SLC16A1: variants seen among roughly 807,000 people sequenced by gnomAD.
The protein encoded by SLC16A1 is solute carrier family 16 member 1.
A neutral mutation model predicts 32.2 loss-of-function variants in SLC16A1; 11 were observed. The observed-to-expected ratio is 0.34, with a 90% CI of 0.21 to 0.56. The LOEUF is 0.56. Among genes scored for constraint, SLC16A1 ranks in the 20% least tolerant of loss-of-function variants. The pLI, the probability that SLC16A1 is intolerant of heterozygous loss-of-function variation, is 0.87. For synonymous variants in SLC16A1, 231 were observed against 226.8 expected (o/e 1.02, Z -0.17); for missense variants, 435 against 615.0 (o/e 0.71, Z 3.10).
intron 1 of SLC16A1, among the ~76,000 whole-genome samples, chr1:112,952,806 C>T (rs1649943826): frequency 6.6e-6 from 1 of 152,198 alleles, no homozygotes; most frequent in Non-Finnish European, 1.5e-5. Context: ...TGAATTTTGT[C>T]TCCAAGCCTT....
chr1:112,935,896 G>A (rs908050538), intron 1 of SLC16A1: 1 of 152,228 alleles, frequency 6.6e-6, no homozygotes, highest in African/African-American at 2.4e-5. Context: ...CTGGATATGG[G>A]TTGGACCTTC....
intron 1 of SLC16A1, among the ~76,000 whole-genome samples, chr1:112,947,119 T>C (rs1241510554): frequency 2.0e-5 from 3 of 152,228 alleles, no homozygotes; most frequent in East Asian, 1.9e-4. Flanking sequence ...TGTCCATCAA[T>C]AGTATGTTTT....
At chr1:112,932,953 G>T (rs946452807) in intron 1 of SLC16A1, among the ~76,000 whole-genome samples, 1 of 152,002 alleles carries the variant, frequency 6.6e-6, no homozygotes, top group Non-Finnish European at 1.5e-5. Context: ...GAAATCAATT[G>T]TATTTCTATA....
At chr1:112,920,546 CA>C (rs1274768193) in intron 3 of SLC16A1, among the ~76,000 whole-genome samples, 1 of 152,010 alleles carries the variant, frequency 6.6e-6, no homozygotes, top group African/African-American at 2.4e-5. Context: ...GCGGAGATTG[CA>C]GTGAGCCGAG....
chr1:112,945,813 A>G (rs1649683277), intron 1 of SLC16A1, among the ~76,000 whole-genome samples: 1 of 151,574 alleles, frequency 6.6e-6, no homozygotes, highest in Non-Finnish European at 1.5e-5. Flanking sequence ...ACCAACATGG[A>G]GAAACCCCAT....
intron 2 of SLC16A1, chr1:112,924,009 G>C (rs751118206): frequency 9.4e-6 from 13 of 1,390,244 alleles, no homozygotes; most frequent in Admixed American, 3.4e-5. Context: ...ACAGCCCATG[G>C]GCCGCTTCTT....
chr1:112,919,249 T>C (rs1648629806), intron 3 of SLC16A1, among the ~76,000 whole-genome samples: 1 of 151,982 alleles, frequency 6.6e-6, no homozygotes, highest in African/African-American at 2.4e-5. Context: ...TTAGCCAGGA[T>C]GGTCTCGATC....
chr1:112,952,223 G>C (rs1649922821), intron 1 of SLC16A1, among the ~76,000 whole-genome samples: 1 of 152,208 alleles, frequency 6.6e-6, no homozygotes, highest in Admixed American at 6.5e-5. Flanking sequence ...TCCAGGATGA[G>C]AGAAACCGGA....
chr1:112,955,256 GGA>G (rs1491420893), intron 1 of SLC16A1: 7 of 150,146 alleles, frequency 4.7e-5, no homozygotes, highest in African/African-American at 1.7e-4. Flanking sequence ...AACGCATGCT[GGA>G]AAAAAAAAAA....
intron 1 of SLC16A1, chr1:112,955,701 T>G (rs1348675514): frequency 6.6e-6 from 1 of 152,210 alleles, no homozygotes; most frequent in African/African-American, 2.4e-5. Context: ...AAAGCATCTC[T>G]CGAGGAGCCT....
Position 112,939,175 on chromosome 1 carries a change from G to C in SLC16A1, c.-44-9823C>G, listed in dbSNP as rs939748016. 2.6e-5 allele frequency among the ~76,000 whole-genome samples: 4 copies of C among 152,130 alleles called. No individual in the cohort carries two copies. In the South Asian group the frequency reaches 8.3e-4, roughly 31 times the overall value. The stretch of plus-strand genomic sequence containing the variant: ...CAAAGTGCTGGGATTACAGGCGTGA[G>C]CCACCGTGCCCGGCCAACGTATTTC... On this transcript the variant is annotated intron_variant, in intron 1 of 4. Coordinates refer to ENST00000369626, the MANE Select transcript of SLC16A1 (RefSeq NM_003051.4).
rs889253767 is a variant in SLC16A1, at chr1:112,924,074, C to T, written c.218-1941G>A. ...ATCGCTTCTGGAAGAAGCACCACTT[C>T]GATGGCATTGCCCTGGTAGAGAAGG... On this transcript the variant is annotated intron_variant, in intron 2 of 4. Coordinates refer to ENST00000369626, the MANE Select transcript of SLC16A1 (RefSeq NM_003051.4). The T allele has an allele frequency of 1.4e-5, 18 of 1,291,460 alleles. No homozygotes were observed. The East Asian group carries it at 2.1e-4, about 15-fold the overall frequency. The allele number at this position is 1,291,460 out of a possible 1,614,324, so 80.0% of individuals were successfully genotyped here.
chr1:112,926,006 G>T (rs2101630508), intron 2 of SLC16A1, among the ~76,000 whole-genome samples: 1 of 152,258 alleles, frequency 6.6e-6, no homozygotes, highest in East Asian at 1.9e-4. Context: ...TTTCTCAGAG[G>T]TTATTATTAA....
At chr1:112,925,196 C>T (rs1648896378) in intron 2 of SLC16A1, among the ~76,000 whole-genome samples, 2 of 152,048 alleles carry the variant, frequency 1.3e-5, no homozygotes, top group Admixed American at 6.5e-5. Context: ...CAGTTTTTTG[C>T]GACCAGTCTC....
intron 1 of SLC16A1, among the ~76,000 whole-genome samples, chr1:112,954,539 A>G (rs1285800389): frequency 6.6e-6 from 1 of 152,204 alleles, no homozygotes; most frequent in Non-Finnish European, 1.5e-5. Context: ...TGAAATACTA[A>G]TCATTTGCTT....
At chr1:112,925,338 G>GT (rs1557847668) in intron 2 of SLC16A1, among the ~76,000 whole-genome samples, 1 of 150,234 alleles carries the variant, frequency 6.7e-6, no homozygotes, top group Non-Finnish European at 1.5e-5. Flanking sequence ...ACTGACCTAT[G>GT]TATCAGTTTT....
intron 1 of SLC16A1, among the ~76,000 whole-genome samples, chr1:112,934,754 A>G (rs997296478): frequency 6.6e-6 from 1 of 152,128 alleles, no homozygotes; most frequent in Non-Finnish European, 1.5e-5. Flanking sequence ...AGAATTCACA[A>G]CTCAGGCCAG....
intron 1 of SLC16A1, among the ~76,000 whole-genome samples, chr1:112,947,709 A>G (rs1455426502): frequency 1.3e-5 from 2 of 152,232 alleles, no homozygotes; most frequent in South Asian, 2.1e-4. Context: ...CTGCTTGTAT[A>G]TAACAGTAAC....
intron 1 of SLC16A1, among the ~76,000 whole-genome samples, chr1:112,944,841 C>T (rs1327886969): frequency 1.3e-5 from 2 of 151,930 alleles, no homozygotes; most frequent in East Asian, 1.9e-4. Context: ...TACAGGTGGG[C>T]GCCACCACAT....
Sources: gnomAD v4.1 joint callset for allele counts (sites outside exome capture counted in the v4.1 genomes callset) on GRCh38, gnomAD v4.1.1 for gene constraint, MANE v1.5 for transcripts, NCBI Gene and HGNC (gene_info 2026-07-23, HGNC 2026-07-21) for gene names.